Variants in TAOK3 observed in about 807,000 individuals in gnomAD.
The protein encoded by TAOK3 is serine/threonine-protein kinase TAO3.
A neutral mutation model predicts 120.4 loss-of-function variants in TAOK3; 40 were observed. The observed-to-expected ratio is 0.33, with a 90% CI of 0.26 to 0.43. TAOK3 has a LOEUF of 0.43. Ranked by LOEUF, TAOK3 falls within the 20% of genes least tolerant of loss-of-function variation. The pLI, the probability that TAOK3 is intolerant of heterozygous loss-of-function variation, is 1.00. For missense variants in TAOK3, 821 were observed against 1,112.1 expected (o/e 0.74, Z 3.72); for synonymous variants, 355 against 387.5 (o/e 0.92, Z 0.99).
At chr12:118,185,820 A>G (rs920195155) in intron 14 of TAOK3, among the ~76,000 whole-genome samples, 18 of 152,220 alleles carry the variant, frequency 1.2e-4, no homozygotes, top group African/African-American at 3.6e-4. Flanking sequence ...GACTTTGACC[A>G]TATGGGTTGG....
intron 9 of TAOK3, among the ~76,000 whole-genome samples, chr12:118,229,116 G>C (rs547034668): frequency 1.3e-5 from 2 of 150,246 alleles, no homozygotes; most frequent in African/African-American, 2.5e-5. Flanking sequence ...TTTTTTTTGG[G>C]GGGGACAGAG....
Position 118,363,763 on chromosome 12 carries a change from A to T in TAOK3, c.-194+8885T>A, listed in dbSNP as rs866335698. Among the ~76,000 whole-genome samples, 946 of 149,994 alleles carry T rather than the reference A, an allele frequency of 6.3e-3. 10 individuals carry two copies. Among genetic ancestry groups the T allele is most frequent in the African/African-American group, 0.022 (905 of 40,724 alleles). On this transcript the variant is annotated intron_variant, in intron 1 of 20. Transcript: ENST00000392533. ...GTGTGTGTGTGTGTGTGTGAGAGAG[A>T]GAGAGAGAGAGAGACAGACAGACAG...
chr12:118,166,814 G>GTATATA lies in TAOK3; in HGVS notation c.1900-4793_1900-4788dup, dbSNP rs535817182. ...ATGTACTCAATGTATGTGTGTGTGTGTATATATATATATACACACACACAC... is the reference window on the plus strand; with the variant it reads ...ATGTACTCAATGTATGTGTGTGTGTGTATATATATATATATATATACACACACACAC... On this transcript the variant is annotated intron_variant, in intron 17 of 20. Transcript: ENST00000392533. Among the ~76,000 whole-genome samples, 604 of 138,986 alleles carry GTATATA rather than the reference G, an allele frequency of 4.3e-3. 2 individuals are homozygous for GTATATA. Among genetic ancestry groups the GTATATA allele is most frequent in the South Asian group, 0.014 (61 of 4,216 alleles). The allele number at this position is 138,986 out of a possible 152,430, so 91.2% of individuals were successfully genotyped here.
chr12:118,319,734 C>T lies in TAOK3; in HGVS notation c.-194+52914G>A, dbSNP rs144629048. Among the ~76,000 whole-genome samples, 89 of 152,176 alleles carry T rather than the reference C, an allele frequency of 5.8e-4. No individual in the cohort carries two copies. The East Asian group carries it at 0.015, about 26-fold the overall frequency. On this transcript the variant is annotated intron_variant, in intron 1 of 20. Coordinates refer to ENST00000392533, the MANE Select transcript of TAOK3 (RefSeq NM_016281.4). Reference sequence around the variant, plus strand: ...GGATGTGAAGACACTGGAACCCTTTCGCACACTGCTGGTGGGAATATAAAA... The same window carrying T: ...GGATGTGAAGACACTGGAACCCTTTTGCACACTGCTGGTGGGAATATAAAA...
chr12:118,155,643 A>T (rs969385011), intron 19 of TAOK3, among the ~76,000 whole-genome samples: 2 of 152,108 alleles, frequency 1.3e-5, no homozygotes, highest in African/African-American at 4.8e-5. Flanking sequence ...ATGATCACAC[A>T]CTTATCTTCT....
intron 1 of TAOK3, among the ~76,000 whole-genome samples, chr12:118,333,687 C>A (rs985580641): frequency 1.3e-4 from 20 of 151,236 alleles, no homozygotes; most frequent in African/African-American, 4.6e-4. Flanking sequence ...TCAATGAAAT[C>A]AAAACTAGTT....
At chr12:118,159,389 C>G (rs2035067011) in intron 19 of TAOK3, among the ~76,000 whole-genome samples, 1 of 151,464 alleles carries the variant, frequency 6.6e-6, no homozygotes, top group African/African-American at 2.4e-5. Flanking sequence ...CAGCTCACTG[C>G]AACCTCCACC....
chr12:118,201,445 C>A lies in TAOK3; in HGVS notation c.838G>T (p.Asp280Tyr), dbSNP rs759335143. Residue 280 changes from aspartate (D) to tyrosine (Y), a missense_variant, in exon 12 of 21, where the codon GAC (aspartate) becomes TAC (tyrosine). Physicochemically the swap from Asp to Tyr is radical, Grantham distance 160. This residue lies in a region of TAOK3 where 467 missense variants were observed against 540.0 expected (regional missense o/e 0.86). Transcript: ENST00000392533. Reference sequence around the variant, plus strand: ...TCAATGAGGACACGTAGTGGCCGGTCTCGTCGAACAAAGTCATGCTGATTG... The same window carrying A: ...TCAATGAGGACACGTAGTGGCCGGTATCGTCGAACAAAGTCATGCTGATTG... ...ELLRHDFVRR[D>Y]RPLRVLIDLI... The A allele has an allele frequency of 1.9e-6, 3 of 1,610,654 alleles. No individual in the cohort carries two copies. The South Asian group carries it at 3.3e-5, about 18-fold the overall frequency.
At chr12:118,206,762 A>T (rs1306094985) in intron 11 of TAOK3, among the ~76,000 whole-genome samples, 1 of 151,612 alleles carries the variant, frequency 6.6e-6, no homozygotes, top group Non-Finnish European at 1.5e-5. Context: ...ATTTCCAGCT[A>T]ATTTTTTGTA....
At chr12:118,212,397 ATAAT>A (rs2038677704) in intron 11 of TAOK3, among the ~76,000 whole-genome samples, 1 of 152,272 alleles carries the variant, frequency 6.6e-6, no homozygotes, top group African/African-American at 2.4e-5. Flanking sequence ...ATGCTTGGTG[ATAAT>A]TAAATCAAAT....
At chr12:118,189,657 C>T in intron 14 of TAOK3, 150 bp downstream of exon 14, 4 of 984,864 alleles carry the variant, frequency 4.1e-6, no homozygotes, top group South Asian at 1.8e-5. Context: ...GATTTTTTTC[C>T]TAAAATGAAT....
Position 118,161,821 on chromosome 12 carries a change from G to T in TAOK3, c.2106C>A (p.Val702=). 6.2e-7 allele frequency: 1 copy of T among 1,614,212 alleles called. No homozygotes were observed. Among genetic ancestry groups the T allele is most frequent in the Non-Finnish European group, 8.5e-7 (1 of 1,180,044 alleles). The change falls in exon 18 of 21, where the codon GTC becomes GTA. Residue 702 remains valine (V), a synonymous_variant. Coordinates refer to ENST00000392533, the MANE Select transcript of TAOK3 (RefSeq NM_016281.4). This position sits in a 1 kb window ranked among gnomAD's most constrained non-coding sequence, Gnocchi z 4.5. ...TTTTTGGCTGTTGCCGAAGTTCCAT[G>T]ACATGCTTTCTGTGCAGTTCTCTTT... The part of the protein sequence containing the change: ...RRERELHRKH[V]MELRQQPKNL...
At chr12:118,338,652 G>C (rs563751353) in intron 1 of TAOK3, among the ~76,000 whole-genome samples, 1 of 151,958 alleles carries the variant, frequency 6.6e-6, no homozygotes, top group Non-Finnish European at 1.5e-5. Context: ...CAGGCGTGGT[G>C]GCCACGCGCC....
intron 17 of TAOK3, among the ~76,000 whole-genome samples, chr12:118,165,208 G>A (rs527423699): frequency 4.6e-5 from 7 of 152,176 alleles, no homozygotes; most frequent in East Asian, 1.9e-4. Flanking sequence ...TAACTGGCCC[G>A]TAGGTGGCAC....
intron 1 of TAOK3, among the ~76,000 whole-genome samples, chr12:118,301,574 G>A (rs575986250): frequency 6.6e-6 from 1 of 152,018 alleles, no homozygotes; most frequent in African/African-American, 2.4e-5. Flanking sequence ...AGCTGGGCAC[G>A]GTGGCTCACT....
At chr12:118,154,824 T>C (rs1334023135) in intron 19 of TAOK3, among the ~76,000 whole-genome samples, 1 of 151,998 alleles carries the variant, frequency 6.6e-6, no homozygotes, top group African/African-American at 2.4e-5. Context: ...AGAGGCAACA[T>C]AATGTAGAAG....
intron 14 of TAOK3, among the ~76,000 whole-genome samples, chr12:118,182,614 T>TGTATATATAG: frequency 1.2e-5 from 1 of 86,262 alleles, no homozygotes; most frequent in African/African-American, 5.3e-5. Context: ...TATATATATA[T>TGTATATATAG]ATATATATAT....
At chr12:118,183,905 T>G (rs2036919124) in intron 14 of TAOK3, among the ~76,000 whole-genome samples, 1 of 152,236 alleles carries the variant, frequency 6.6e-6, no homozygotes, top group Non-Finnish European at 1.5e-5. Context: ...CAATAAAATA[T>G]TCTCAGGATG....
chr12:118,299,922 T>G (rs1048532493), intron 1 of TAOK3, among the ~76,000 whole-genome samples: 2 of 151,928 alleles, frequency 1.3e-5, no homozygotes, highest in African/African-American at 4.8e-5. Context: ...GTTGAGGGAG[T>G]CAAGCTTCTT....
Sources: allele counts gnomAD v4.1 joint callset (sites outside exome capture counted in the v4.1 genomes callset), GRCh38; gene constraint gnomAD v4.1.1; regional missense constraint gnomAD v4.1.1; non-coding constraint Gnocchi (gnomAD v3.1); transcripts MANE v1.5; gene names NCBI Gene and HGNC (gene_info 2026-07-23, HGNC 2026-07-21).